The following PRDM16 variants were observed in gnomAD, a reference collection of about 807,000 sequenced individuals.
The protein encoded by PRDM16 is histone-lysine N-methyltransferase PRDM16.
In PRDM16, 23 loss-of-function variants were observed where a neutral mutation model predicts 110.6. The observed-to-expected ratio is 0.21, with a 90% CI of 0.15 to 0.29. The LOEUF is 0.29. PRDM16 is among the 10% of genes least tolerant of loss of function. The probability of loss-of-function intolerance (pLI) is 1.00; values close to 1 mark genes in which losing one functional copy is unlikely to be tolerated. For missense variants in PRDM16, 1,615 were observed against 1,794.3 expected (o/e 0.90, Z 1.81); for synonymous variants, 799 against 781.8 (o/e 1.02, Z -0.37).
At chr1:3,234,444 C>G (rs527275763) in intron 2 of PRDM16, among the ~76,000 whole-genome samples, 191 of 152,344 alleles carry the variant, frequency 1.3e-3, no homozygotes, top group Non-Finnish European at 2.4e-3. Flanking sequence ...CAAGCAGCCG[C>G]AAGACAGGCG....
In PRDM16 at chr1:3,296,328, G is replaced by A. The variant is rs543302770; in HGVS notation, c.438+52191G>A. On this transcript the variant is annotated intron_variant, in intron 3 of 16. Coordinates refer to ENST00000270722, the MANE Select transcript of PRDM16 (RefSeq NM_022114.4). ...GAGGTGCTCAGAGTCGTTATGGTCC[G>A]AGAGGCAGCCAGGGAGCTGCAGAAA... 4.6e-4 allele frequency among the ~76,000 whole-genome samples: 70 copies of A among 152,360 alleles called. 1 individual carries two copies. The highest frequency in any genetic ancestry group is 1.4e-3 in the African/African-American group (58 of 41,580).
rs1463002806 is a variant in PRDM16 at position 3,255,859 on chromosome 1, C to T, written c.438+11722C>T. On this transcript the variant is annotated intron_variant, in intron 3 of 16. Coordinates refer to ENST00000270722, the MANE Select transcript of PRDM16 (RefSeq NM_022114.4). This position sits in a 1 kb window ranked among gnomAD's most constrained non-coding sequence, Gnocchi z 4.7. The stretch of plus-strand genomic sequence containing the variant: ...CCAATCCCGTGGCCGCACCGACACC[C>T]GAAGCCAACCCCGTGGCCGCACTGA... Among the ~76,000 whole-genome samples, 4 of 147,436 alleles carry T rather than the reference C, an allele frequency of 2.7e-5. No homozygotes were observed. Among genetic ancestry groups the T allele is most frequent in the Admixed American group, 1.3e-4 (2 of 14,932 alleles).
intron 2 of PRDM16, among the ~76,000 whole-genome samples, chr1:3,189,999 G>A (rs1244910108): frequency 6.6e-6 from 1 of 152,210 alleles, no homozygotes; most frequent in African/African-American, 2.4e-5. Flanking sequence ...TCTTTGTATA[G>A]CAAGAGACAC....
intron 3 of PRDM16, among the ~76,000 whole-genome samples, chr1:3,282,994 G>A (rs1012367559): frequency 3.9e-5 from 6 of 152,228 alleles, no homozygotes; most frequent in Non-Finnish European, 8.8e-5. Flanking sequence ...TCATCTTTCA[G>A]TGCAGAGTCA....
intron 3 of PRDM16, among the ~76,000 whole-genome samples, chr1:3,292,393 C>T (rs1320089020): frequency 6.6e-6 from 1 of 152,200 alleles, no homozygotes; most frequent in Admixed American, 6.5e-5. Context: ...AGCCTTTGAT[C>T]CTCCGCCCAG....
rs1297520810 is a variant in PRDM16 at position 3,165,574 on chromosome 1, CAGGGACTCACCTGGGCCCAGGG to C, written c.38-20549_38-20528del. ...ACAGGGACTCACCAGGGCTCAGGGA[CAGGGACTCACCTGGGCCCAGGG>C]ACAGGGACTCACCTGGGCTCAGGGA... On this transcript the variant is annotated intron_variant, in intron 1 of 16. Transcript: ENST00000270722. Among the ~76,000 whole-genome samples the C allele has an allele frequency of 2.0e-4, 25 of 123,914 alleles. 1 individual carries two copies. The highest frequency in any genetic ancestry group is 2.9e-4 in the South Asian group (1 of 3,476). 81.3% of individuals were successfully genotyped at this position (123,914 alleles called of 152,430 possible). A position where few individuals can be genotyped will look rare whatever the true frequency, so the allele number is the denominator to read the frequency against.
chr1:3,164,841 C>T (rs35564283), intron 1 of PRDM16, among the ~76,000 whole-genome samples: 2,022 of 152,268 alleles, frequency 0.013, 51 homozygotes, highest in African/African-American at 0.046. Context: ...AGCCCGCCTC[C>T]GTTCTCTGCT....
At chr1:3,316,620 A>G (rs1641607885) in intron 3 of PRDM16, among the ~76,000 whole-genome samples, 2 of 149,294 alleles carry the variant, frequency 1.3e-5, no homozygotes, top group Non-Finnish European at 2.9e-5. Flanking sequence ...GCCAGGAAAC[A>G]GTGACACAGG....
intron 2 of PRDM16, among the ~76,000 whole-genome samples, chr1:3,204,036 AG>A (rs1252545169): frequency 6.6e-6 from 1 of 152,220 alleles, no homozygotes; most frequent in Non-Finnish European, 1.5e-5. Context: ...GGGATTAGGA[AG>A]GGAGGTGTAT....
chr1:3,162,717 G>T (rs928129280), intron 1 of PRDM16, among the ~76,000 whole-genome samples: 1 of 152,334 alleles, frequency 6.6e-6, no homozygotes, highest in Admixed American at 6.5e-5. Flanking sequence ...CGGCAGCCAC[G>T]CCCCCTCCTT....
Position 3,186,140 on chromosome 1 carries a change from T to C in PRDM16, c.53T>C (p.Val18Ala), listed in dbSNP as rs771752991. The C allele has an allele frequency of 1.2e-6, 2 of 1,612,654 alleles. No homozygotes were observed. The highest frequency in any genetic ancestry group is 1.7e-6 in the Non-Finnish European group (2 of 1,179,820). ...RKLAKSDGDV[V>A]NNMYEPNRDL... is the part of the protein sequence containing the mutation. ...TCTCCTTTAGGTGACGGTGACGTTG[T>C]AAATAATATGTATGAGCCCAACCGG... Residue 18 changes from valine (V) to alanine (A), a missense_variant, in exon 2 of 17, where the codon GTA (valine) becomes GCA (alanine). By Grantham distance (64) the Val-to-Ala change is moderately conservative (BLOSUM62 0). This residue lies in a region of PRDM16 where 416 missense variants were observed against 467.1 expected (regional missense o/e 0.89). Coordinates refer to ENST00000270722, the MANE Select transcript of PRDM16 (RefSeq NM_022114.4).
intron 4 of PRDM16, 196 bp from the exon 5 acceptor site, chr1:3,396,295 G>A (rs931963846): frequency 1.5e-6 from 1 of 657,084 alleles, no homozygotes; most frequent in African/African-American, 1.8e-5. Flanking sequence ...ACCCAATAAA[G>A]CAAATTAAAA....
chr1:3,362,251 G>T (rs1261016963), intron 3 of PRDM16, among the ~76,000 whole-genome samples: 1 of 152,264 alleles, frequency 6.6e-6, no homozygotes, highest in African/African-American at 2.4e-5. Context: ...ATGAGTGAGT[G>T]CAAATGTCAA....
rs1260733614 is a variant in PRDM16 at position 3,397,075 on chromosome 1, T to TG, written c.676+486dup. 2.6e-5 allele frequency among the ~76,000 whole-genome samples: 4 copies of TG among 152,156 alleles called. No individual in the cohort carries two copies. The East Asian group carries it at 7.7e-4, about 29-fold the overall frequency. ...TTTCTGGCTGCCCCAGAGCTCTCTG[T>TG]GGGGTGGGAAGATTTTGTTTCATTT... On this transcript the variant is annotated intron_variant, in intron 5 of 16. Transcript: ENST00000270722.
At chr1:3,154,554 A>G (rs913777411) in intron 1 of PRDM16, among the ~76,000 whole-genome samples, 1 of 152,058 alleles carries the variant, frequency 6.6e-6, no homozygotes, top group Non-Finnish European at 1.5e-5. Flanking sequence ...TCCTGCCCCC[A>G]TGGCCCTTCC....
At chr1:3,297,579 C>T (rs79903137) in intron 3 of PRDM16, among the ~76,000 whole-genome samples, 1,898 of 152,210 alleles carry the variant, frequency 0.012, 37 homozygotes, top group African/African-American at 0.043. Context: ...CCACTGCGCC[C>T]GGCCTGATGA....
intron 1 of PRDM16, among the ~76,000 whole-genome samples, chr1:3,078,006 T>C (rs926989050): frequency 1.3e-5 from 2 of 151,110 alleles, no homozygotes; most frequent in African/African-American, 4.9e-5. Context: ...CCCTACTGCC[T>C]CCCCACACTC....
rs570799621 is a variant in PRDM16 at position 3,346,344 on chromosome 1, C to G, written c.439-38808C>G. 3.4e-4 allele frequency among the ~76,000 whole-genome samples: 51 copies of G among 152,192 alleles called. 1 individual carries two copies. Among genetic ancestry groups the G allele is most frequent in the African/African-American group, 1.1e-3 (45 of 41,534 alleles). On this transcript the variant is annotated intron_variant, in intron 3 of 16. Transcript: ENST00000270722. ...GGCTTGGGGGCTTCCAGTGGAGGAGCCTGATGGAGCTCCATGGTCAAGAGG... is the reference window on the plus strand; with the variant it reads ...GGCTTGGGGGCTTCCAGTGGAGGAGGCTGATGGAGCTCCATGGTCAAGAGG...
At chr1:3,279,818 C>G (rs1246095279) in intron 3 of PRDM16, among the ~76,000 whole-genome samples, 1 of 152,068 alleles carries the variant, frequency 6.6e-6, no homozygotes, top group Non-Finnish European at 1.5e-5. Flanking sequence ...GGGAAGTGGC[C>G]TCCTGGGCCA....
Sources: gnomAD v4.1 joint callset for allele counts (sites outside exome capture counted in the v4.1 genomes callset) on GRCh38, gnomAD v4.1.1 for gene constraint, gnomAD v4.1.1 regional missense constraint, Gnocchi (gnomAD v3.1) non-coding constraint, MANE v1.5 for transcripts, NCBI Gene and HGNC (gene_info 2026-07-23, HGNC 2026-07-21) for gene names.